Variants in HCN1 observed in about 807,000 individuals in gnomAD.
HCN1 encodes potassium/sodium hyperpolarization-activated cyclic nucleotide-gated channel 1.
Under a neutral mutation model 78.9 loss-of-function variants are expected in HCN1, and 13 were observed. The ratio of observed to expected loss-of-function variants is 0.16; its 90% CI spans 0.11 to 0.26. HCN1 has a LOEUF of 0.26. HCN1 is among the 10% of genes least tolerant of loss of function. The probability of loss-of-function intolerance (pLI) is 1.00; values close to 1 mark genes in which losing one functional copy is unlikely to be tolerated. For synonymous variants in HCN1, 552 were observed against 455.5 expected, an observed-to-expected ratio of 1.21 and a Z score of -2.70; for missense variants, 810 against 1,154.3, an observed-to-expected ratio of 0.70 and a Z score of 4.32.
chr5:45,442,934 A>T (rs1740708859), intron 3 of HCN1, among the ~76,000 whole-genome samples: 1 of 152,084 alleles, frequency 6.6e-6, no homozygotes, highest in Non-Finnish European at 1.5e-5. Flanking sequence ...TTCAAGAGCT[A>T]GTTTAACTTG....
intron 4 of HCN1, among the ~76,000 whole-genome samples, chr5:45,364,317 C>T (rs1365068498): frequency 6.6e-6 from 1 of 152,100 alleles, no homozygotes; most frequent in Non-Finnish European, 1.5e-5. Context: ...CAGCAGAGAA[C>T]AAATCCCTGA....
intron 2 of HCN1, among the ~76,000 whole-genome samples, chr5:45,572,941 A>G (rs1743864186): frequency 6.6e-6 from 1 of 152,176 alleles, no homozygotes; most frequent in Non-Finnish European, 1.5e-5. Context: ...GTAGGGAGGA[A>G]CATTTCATTT....
At chr5:45,484,676 G>A (rs930240014) in intron 2 of HCN1, among the ~76,000 whole-genome samples, 2 of 152,036 alleles carry the variant, frequency 1.3e-5, no homozygotes, top group African/African-American at 4.8e-5. Context: ...TGATGACCTC[G>A]GACATTCCAC....
At chr5:45,630,682 C>T (rs769056981) in intron 2 of HCN1, among the ~76,000 whole-genome samples, 23 of 152,182 alleles carry the variant, frequency 1.5e-4, no homozygotes, top group Non-Finnish European at 2.5e-4. Flanking sequence ...AGGAATTTAC[C>T]TTGGCTAGAA....
At chr5:45,386,966 T>C (rs1463751471) in intron 4 of HCN1, among the ~76,000 whole-genome samples, 2 of 152,034 alleles carry the variant, frequency 1.3e-5, no homozygotes, top group South Asian at 2.1e-4. Flanking sequence ...CAGCAAGAAA[T>C]CTTTTAAAAC....
chr5:45,389,331 C>T (rs1490943860), intron 4 of HCN1, among the ~76,000 whole-genome samples: 1 of 151,988 alleles, frequency 6.6e-6, no homozygotes, highest in Non-Finnish European at 1.5e-5. Context: ...TTCTTCTCTC[C>T]CCCCATTTCA....
At chr5:45,543,348 G>GT in intron 2 of HCN1, among the ~76,000 whole-genome samples, 1 of 151,904 alleles carries the variant, frequency 6.6e-6, no homozygotes, top group African/African-American at 2.4e-5. Flanking sequence ...AGAAAATATT[G>GT]GGAAAAAGCC....
chr5:45,507,089 A>G (rs1185834943), intron 2 of HCN1, among the ~76,000 whole-genome samples: 1 of 152,186 alleles, frequency 6.6e-6, no homozygotes, highest in East Asian at 1.9e-4. Context: ...CAGCAAGTCA[A>G]TTAGAACAGA....
intron 3 of HCN1, among the ~76,000 whole-genome samples, chr5:45,432,050 T>G (rs984671918): frequency 4.6e-5 from 7 of 152,290 alleles, no homozygotes; most frequent in African/African-American, 1.7e-4. Context: ...ACGATATTGA[T>G]TTTTTCCTAT....
intron 5 of HCN1, among the ~76,000 whole-genome samples, chr5:45,307,503 G>C (rs1453913154): frequency 1.3e-5 from 2 of 152,062 alleles, no homozygotes; most frequent in Non-Finnish European, 2.9e-5. Flanking sequence ...ATGTACTCTT[G>C]GTTTGATGTA....
chr5:45,567,793 T>C (rs1005813653), intron 2 of HCN1, among the ~76,000 whole-genome samples: 5 of 151,994 alleles, frequency 3.3e-5, no homozygotes, highest in African/African-American at 1.2e-4. Context: ...TAACTGTCCC[T>C]GGAAAGTTTT....
At chr5:45,347,656 A>G (rs1433134478) in intron 5 of HCN1, among the ~76,000 whole-genome samples, 1 of 152,194 alleles carries the variant, frequency 6.6e-6, no homozygotes, top group Admixed American at 6.5e-5. Context: ...TAACCAATAT[A>G]GAGAAGTGCT....
At chr5:45,444,521 C>G (rs1040363214) in intron 3 of HCN1, among the ~76,000 whole-genome samples, 6 of 152,014 alleles carry the variant, frequency 3.9e-5, no homozygotes, top group African/African-American at 1.4e-4. Context: ...CACAAAAACC[C>G]TTAGTATGCT....
Position 45,381,589 on chromosome 5 carries a change from G to C in HCN1, c.1230+14903C>G, listed in dbSNP as rs562247010. Among the ~76,000 whole-genome samples, 10 of 152,170 alleles carry C rather than the reference G, an allele frequency of 6.6e-5. 1 individual carries two copies. In the South Asian group the frequency reaches 1.9e-3, roughly 28 times the overall value. ...CATTTCATCCATCAGGGCTAGGTCC[G>C]ATGTTACCTTGCTAAAGAGACATTT... On this transcript the variant is annotated intron_variant, in intron 4 of 7. Transcript: ENST00000303230.
chr5:45,408,040 G>T (rs568094382), intron 3 of HCN1, among the ~76,000 whole-genome samples: 119 of 152,164 alleles, frequency 7.8e-4, no homozygotes, highest in Non-Finnish European at 1.1e-3. Context: ...TACAGGGAAA[G>T]AAAATATTTT....
chr5:45,665,702 A>T (rs183952560), intron 1 of HCN1, among the ~76,000 whole-genome samples: 109 of 152,230 alleles, frequency 7.2e-4, no homozygotes, highest in Middle Eastern at 3.4e-3. Context: ...CAGATTACTA[A>T]CTCAAAAGTC....
At chr5:45,402,859 CCTT>C (rs1739849434) in intron 3 of HCN1, among the ~76,000 whole-genome samples, 3 of 144,248 alleles carry the variant, frequency 2.1e-5, no homozygotes, top group African/African-American at 5.3e-5. Context: ...TTCCTTCCTT[CCTT>C]CCTCTACTTC....
chr5:45,537,321 T>G (rs1039230811), intron 2 of HCN1, among the ~76,000 whole-genome samples: 3 of 152,128 alleles, frequency 2.0e-5, no homozygotes, highest in African/African-American at 7.2e-5. Context: ...AAGTAAAATC[T>G]TCATTATTAA....
At chr5:45,376,547 C>T (rs1331293014) in intron 4 of HCN1, among the ~76,000 whole-genome samples, 1 of 151,100 alleles carries the variant, frequency 6.6e-6, no homozygotes, top group African/African-American at 2.4e-5. Flanking sequence ...CAAAACAAAA[C>T]AATCTTCTAA....
Sources: gnomAD v4.1 joint callset for allele counts (sites outside exome capture counted in the v4.1 genomes callset) on GRCh38, gnomAD v4.1.1 for gene constraint, MANE v1.5 for transcripts, NCBI Gene and HGNC (gene_info 2026-07-23, HGNC 2026-07-21) for gene names.